Variants in ACAD11 observed in about 807,000 individuals in gnomAD.
ACAD11 encodes acyl-Coenzyme A dehydrogenase family, member 11.
Under a neutral mutation model 102.2 loss-of-function variants are expected in ACAD11, and 83 were observed. The ratio of observed to expected loss-of-function variants is 0.81; its 90% confidence interval spans 0.68 to 0.97. The LOEUF (loss-of-function observed/expected upper bound fraction) is 0.97. Ranked by LOEUF, ACAD11 falls within the 50% of genes least tolerant of loss-of-function variation. The pLI is 0.00. For missense variants in ACAD11, 901 were observed against 951.7 expected, an observed-to-expected ratio of 0.95 and a Z score of 0.70; for synonymous variants, 324 against 319.8, an observed-to-expected ratio of 1.01 and a Z score of -0.14.
intron 13 of ACAD11, among the ~76,000 whole-genome samples, chr3:132,591,259 G>A (rs1199947253): frequency 6.6e-6 from 1 of 152,134 alleles, no homozygotes; most frequent in Non-Finnish European, 1.5e-5. Flanking sequence ...TATAGAATAG[G>A]GAGTCTTTTC....
At chr3:132,603,457 T>G in intron 12 of ACAD11, 130 bp from the exon 13 acceptor site, 1 of 712,358 alleles carries the variant, frequency 1.4e-6, no homozygotes. Context: ...CATTCCACCC[T>G]GCTTTTCCCA....
intron 13 of ACAD11, among the ~76,000 whole-genome samples, chr3:132,580,791 C>T (rs1418583902): frequency 6.6e-6 from 1 of 151,944 alleles, no homozygotes; most frequent in Non-Finnish European, 1.5e-5. Flanking sequence ...GATGAAACCT[C>T]AACCAGCTAC....
At chr3:132,580,461 A>G (rs1052842016) in intron 13 of ACAD11, among the ~76,000 whole-genome samples, 1 of 152,070 alleles carries the variant, frequency 6.6e-6, no homozygotes, top group Non-Finnish European at 1.5e-5. Flanking sequence ...AAAGAGAGAT[A>G]GAGAAGTAGC....
chr3:132,577,810 G>A (rs1937544009), intron 15 of ACAD11, among the ~76,000 whole-genome samples: 1 of 152,130 alleles, frequency 6.6e-6, no homozygotes, highest in Admixed American at 6.6e-5. Context: ...ATCAAATGTA[G>A]CCTCTGCAAT....
chr3:132,570,227 G>A (rs939403199), intron 17 of ACAD11, among the ~76,000 whole-genome samples: 8 of 152,118 alleles, frequency 5.3e-5, no homozygotes, highest in East Asian at 1.9e-4. Flanking sequence ...CATACAAAAC[G>A]TGTCCAGCAG....
At chr3:132,633,243 G>A (rs142468971) in intron 5 of ACAD11, among the ~76,000 whole-genome samples, 1,893 of 152,202 alleles carry the variant, frequency 0.012, 40 homozygotes, top group African/African-American at 0.043. Flanking sequence ...TTTGAGATAC[G>A]TCCCATCGAT....
chr3:132,641,228 G>A (rs1940479996), intron 4 of ACAD11, among the ~76,000 whole-genome samples: 1 of 152,050 alleles, frequency 6.6e-6, no homozygotes, highest in Admixed American at 6.6e-5. Flanking sequence ...CTTAATAAAT[G>A]TCTGCTAGTC....
Position 132,558,596 on chromosome 3 carries a change from ACT to A in ACAD11, c.*373_*374del. The A allele has an allele frequency of 5.9e-6, 1 of 169,768 alleles. No individual in the cohort carries two copies. Among genetic ancestry groups the A allele is most frequent in the South Asian group, 1.6e-4 (1 of 6,166 alleles). The allele number at this position is 169,768 out of a possible 1,614,324, so 10.5% of individuals were successfully genotyped here. A position where few individuals can be genotyped will look rare whatever the true frequency, so the allele number is the denominator to read the frequency against. On this transcript the variant is annotated 3_prime_UTR_variant, in exon 20 of 20. Coordinates refer to ENST00000264990, the MANE Select transcript of ACAD11 (RefSeq NM_032169.5). Reference sequence around the variant, plus strand: ...GCTTACTGTAACCTCAAACTCCTAGACTCAAGCAATCCTCCTGCCTCAGCCTC... The same window carrying A: ...GCTTACTGTAACCTCAAACTCCTAGACAAGCAATCCTCCTGCCTCAGCCTC...
intron 5 of ACAD11, among the ~76,000 whole-genome samples, chr3:132,635,045 A>G (rs990193777): frequency 1.3e-5 from 2 of 151,604 alleles, no homozygotes; most frequent in Admixed American, 1.3e-4. Flanking sequence ...CCTAGAACTT[A>G]AAGTACAATA....
chr3:132,597,024 C>T (rs1318696810), intron 13 of ACAD11, among the ~76,000 whole-genome samples: 3 of 152,130 alleles, frequency 2.0e-5, no homozygotes, highest in African/African-American at 7.2e-5. Context: ...GTCAGTAGCT[C>T]AGCTGCAGGC....
chr3:132,654,849 G>T (rs1937696927), intron 1 of ACAD11, among the ~76,000 whole-genome samples: 1 of 152,222 alleles, frequency 6.6e-6, no homozygotes, highest in African/African-American at 2.4e-5. Context: ...AATTGGCACT[G>T]ATTCGTTGTG....
intron 4 of ACAD11, 50 bp from the exon 5 acceptor site, chr3:132,639,706 G>T (rs1055076144): frequency 7.8e-6 from 12 of 1,534,224 alleles, no homozygotes; most frequent in African/African-American, 1.4e-5. Context: ...TGGAATGTAG[G>T]ATCTAGCAAT....
In ACAD11 at chr3:132,575,885, G is replaced by A. The variant is rs1424551309; in HGVS notation, c.1888C>T (p.Pro630Ser). The A allele has an allele frequency of 3.1e-6, 5 of 1,613,878 alleles. No individual in the cohort carries two copies. Among genetic ancestry groups the A allele is most frequent in the Non-Finnish European group, 4.2e-6 (5 of 1,179,956 alleles). ...CTCATACAGTGGTGGATTCTGCCAG[G>A]TCCAAGGCGGCCTTGGGAAATTTCA... ...GFEISQGRLG[P>S]GRIHHCMRTV... Residue 630 changes from proline to serine, a missense_variant, in exon 17 of 20, where the codon CCT (proline) becomes TCT (serine). By Grantham distance (74) the Pro-to-Ser change is moderately conservative. Transcript: ENST00000264990.
intron 18 of ACAD11, 61 bp downstream of exon 18, chr3:132,561,040 C>A: frequency 7.7e-7 from 1 of 1,293,562 alleles, no homozygotes; most frequent in Non-Finnish European, 1.1e-6. Context: ...AAATGTCCAA[C>A]AGGTGAGAGA....
At chr3:132,645,188 C>T (rs1314784380) in intron 1 of ACAD11, among the ~76,000 whole-genome samples, 1 of 152,202 alleles carries the variant, frequency 6.6e-6, no homozygotes, top group Non-Finnish European at 1.5e-5. Context: ...AATGACTGAT[C>T]TAAGTAAACT....
At position 132,642,668 on chromosome 3, in the gene ACAD11, T is replaced by A. The variant is rs754164569; in HGVS notation, c.375+9A>T. ...AAAAGCAACAAAATAAGATTAAGTG[T>A]TAATTTACCTGCACATGTTCCATTA... On this transcript the variant is annotated intron_variant, in intron 3 of 19. Transcript: ENST00000264990. The A allele has an allele frequency of 6.3e-7, 1 of 1,591,848 alleles. No individual in the cohort carries two copies. The highest frequency in any genetic ancestry group is 1.2e-5 in the South Asian group (1 of 85,858).
At position 132,578,848 on chromosome 3, in the gene ACAD11, CA is replaced by C. The variant is rs749765175; in HGVS notation, c.1721del (p.Met574ArgfsTer6). ...HKQHSMILVP[M>X]NTPGVKIIRP... ...TTATTATTTTTACTCCAGGTGTGTT[CA>C]TGGGAACAAGAATCATGCTGTGCTG... On this transcript the variant is annotated frameshift_variant, in exon 15 of 20. Coordinates refer to ENST00000264990, the MANE Select transcript of ACAD11 (RefSeq NM_032169.5). LOFTEE classifies it high-confidence loss of function. 7.4e-6 allele frequency: 12 copies of C among 1,612,986 alleles called. No individual in the cohort carries two copies. Among genetic ancestry groups the C allele is most frequent in the Non-Finnish European group, 1.0e-5 (12 of 1,179,410 alleles).
chr3:132,572,905 T>C (rs557234722), intron 17 of ACAD11, among the ~76,000 whole-genome samples: 1 of 152,190 alleles, frequency 6.6e-6, no homozygotes, highest in Non-Finnish European at 1.5e-5. Context: ...ATTGTCCTTT[T>C]ATTTTCCTTT....
At chr3:132,615,749 T>C (rs1011693745) in intron 11 of ACAD11, among the ~76,000 whole-genome samples, 4 of 152,116 alleles carry the variant, frequency 2.6e-5, no homozygotes, top group Admixed American at 6.6e-5. Context: ...CACCATGGCA[T>C]GTGTATACCT....
Sources: allele counts gnomAD v4.1 joint callset (sites outside exome capture counted in the v4.1 genomes callset), GRCh38; gene constraint gnomAD v4.1.1; transcripts MANE v1.5; gene names NCBI Gene and HGNC (gene_info 2026-07-23, HGNC 2026-07-21).